Variants in UGT1A4 observed in about 807,000 individuals in gnomAD.
The protein encoded by UGT1A4 is UDP glucuronosyltransferase family 1 member A4, also known as UDP-glucuronosyltransferase 1A4.
Under a neutral mutation model 41.1 loss-of-function variants are expected in UGT1A4, and 32 were observed. The ratio of observed to expected loss-of-function variants is 0.78; its 90% CI spans 0.59 to 1.05. The LOEUF (loss-of-function observed/expected upper bound fraction) is 1.05, where lower values mean the gene tolerates loss of function less well. Ranked by LOEUF, UGT1A4 falls within the 50% of genes least tolerant of loss-of-function variation. The probability of loss-of-function intolerance (pLI) is 0.00; values close to 1 mark genes in which losing one functional copy is unlikely to be tolerated. For missense variants in UGT1A4, 748 were observed against 677.4 expected (o/e 1.10, Z -1.16); for synonymous variants, 283 against 265.1 (o/e 1.07, Z -0.66).
chr2:233,727,441 G>T (rs2077617146), intron 1 of UGT1A4, among the ~76,000 whole-genome samples: 1 of 152,130 alleles, frequency 6.6e-6, no homozygotes, highest in African/African-American at 2.4e-5. Flanking sequence ...CATGTGACAA[G>T]AAATCAGATG....
intron 1 of UGT1A4, chr2:233,740,667 G>T (rs567869462): frequency 6.6e-6 from 1 of 151,914 alleles, no homozygotes; most frequent in East Asian, 1.9e-4. Flanking sequence ...AGAAGGTACA[G>T]GTGTTTCCAT....
intron 1 of UGT1A4, among the ~76,000 whole-genome samples, chr2:233,758,245 A>C (rs1047370626): frequency 6.6e-6 from 1 of 152,214 alleles, no homozygotes; most frequent in African/African-American, 2.4e-5. Flanking sequence ...ATTGCCCACT[A>C]TTCAGATTAG....
At chr2:233,753,682 C>T (rs1184784607) in intron 1 of UGT1A4, 1 of 152,178 alleles carries the variant, frequency 6.6e-6, no homozygotes, top group Non-Finnish European at 1.5e-5. Context: ...CTCACCCAAA[C>T]AATATTACAG....
chr2:233,724,866 G>A (rs1361964524), intron 1 of UGT1A4, among the ~76,000 whole-genome samples: 1 of 128,896 alleles, frequency 7.8e-6, no homozygotes, highest in Non-Finnish European at 1.6e-5. Flanking sequence ...GGTGTAGGTT[G>A]TAGTGAGCGG....
chr2:233,765,364 C>T (rs1321623468), intron 1 of UGT1A4, among the ~76,000 whole-genome samples: 1 of 152,168 alleles, frequency 6.6e-6, no homozygotes, highest in African/African-American at 2.4e-5. Flanking sequence ...CCCAGATGCC[C>T]ATCAATGGTA....
chr2:233,747,345 C>G (rs905208353), intron 1 of UGT1A4: 1 of 1,602,430 alleles, frequency 6.2e-7, no homozygotes, highest in Admixed American at 1.7e-5. Context: ...GGCTCGCATG[C>G]GGGAGGCCGT....
chr2:233,756,940 T>G (rs1408779384), intron 1 of UGT1A4, among the ~76,000 whole-genome samples: 1 of 152,052 alleles, frequency 6.6e-6, no homozygotes, highest in Non-Finnish European at 1.5e-5. Context: ...TTACATAACC[T>G]GAAACCCGGA....
intron 1 of UGT1A4, among the ~76,000 whole-genome samples, chr2:233,762,621 C>T (rs1374321731): frequency 6.6e-6 from 1 of 152,118 alleles, no homozygotes; most frequent in Non-Finnish European, 1.5e-5. Context: ...TTGTTGTGAC[C>T]TCAAACACTT....
chr2:233,761,060 G>A, intron 1 of UGT1A4: 1 of 1,614,212 alleles, frequency 6.2e-7, no homozygotes, highest in Non-Finnish European at 8.5e-7. Flanking sequence ...CTGTTTAGAA[G>A]TGACTTTGTG....
At chr2:233,748,817 G>A (rs1468052595) in intron 1 of UGT1A4, among the ~76,000 whole-genome samples, 2 of 151,366 alleles carry the variant, frequency 1.3e-5, no homozygotes, top group Non-Finnish European at 2.9e-5. Context: ...AATTGTGGAA[G>A]GGTCTAGGGA....
chr2:233,767,054 T>C lies in UGT1A4; in HGVS notation c.888T>C (p.Asn296=), dbSNP rs1164851963. ...PLSQEFEAYI[N]ASGEHGIVVF... ...TCTAGGAATTTGAAGCCTACATTAA[T>C]GCTTCTGGAGAACATGGAATTGTGG... is the stretch of plus-strand genomic sequence containing the variant. The change falls in exon 2 of 5, where the codon AAT becomes AAC. Residue 296 remains asparagine, a synonymous_variant. Coordinates refer to ENST00000373409, the MANE Select transcript of UGT1A4 (RefSeq NM_007120.3). The C allele has an allele frequency of 2.5e-6, 4 of 1,614,114 alleles. No homozygotes were observed. Among genetic ancestry groups the C allele is most frequent in the Non-Finnish European group, 2.5e-6 (3 of 1,179,982 alleles).
intron 1 of UGT1A4, among the ~76,000 whole-genome samples, chr2:233,762,019 A>G (rs1021587184): frequency 2.6e-5 from 4 of 151,988 alleles, no homozygotes; most frequent in South Asian, 2.1e-4. Context: ...TGTGATTTGT[A>G]TTTTATTTTT....
chr2:233,729,686 G>A (rs1336517970), intron 1 of UGT1A4: 2 of 1,613,912 alleles, frequency 1.2e-6, no homozygotes, highest in Admixed American at 1.7e-5. Context: ...GGCACACAGT[G>A]TCCAAACCCT....
At chr2:233,754,500 G>A (rs945598675) in intron 1 of UGT1A4, 52 of 356,130 alleles carry the variant, frequency 1.5e-4, no homozygotes, top group Admixed American at 3.0e-4. Flanking sequence ...AAAAAAGTCC[G>A]CTATTCCTCC....
At chr2:233,768,984 TC>T (rs551747473) in intron 4 of UGT1A4, among the ~76,000 whole-genome samples, 141 of 152,252 alleles carry the variant, frequency 9.3e-4, no homozygotes, top group African/African-American at 3.3e-3. Context: ...GAATTTTATT[TC>T]CCCCATTAGA....
At chr2:233,743,532 G>T in intron 1 of UGT1A4, 1 of 1,367,232 alleles carries the variant, frequency 7.3e-7, no homozygotes, top group South Asian at 1.1e-5. Context: ...TTCCCCAGCA[G>T]TTCCTCTGAC....
intron 1 of UGT1A4, among the ~76,000 whole-genome samples, chr2:233,765,401 A>G (rs1024843153): frequency 3.9e-5 from 6 of 152,246 alleles, no homozygotes; most frequent in African/African-American, 1.4e-4. Flanking sequence ...TGTGGTACAT[A>G]TACACCATGG....
intron 1 of UGT1A4, among the ~76,000 whole-genome samples, chr2:233,732,958 C>G (rs75520741): frequency 0.048 from 7,267 of 152,142 alleles, 252 homozygotes; most frequent in East Asian, 0.16. Flanking sequence ...AATGTTCTTC[C>G]ATTTGTTTGT....
At chr2:233,720,540 C>T (rs1283139859) in intron 1 of UGT1A4, among the ~76,000 whole-genome samples, 3 of 152,068 alleles carry the variant, frequency 2.0e-5, no homozygotes, top group African/African-American at 7.2e-5. Context: ...CACCCTATCC[C>T]ACTCCAAGTT....
Sources: allele counts gnomAD v4.1 joint callset (sites outside exome capture counted in the v4.1 genomes callset), GRCh38; gene constraint gnomAD v4.1.1; transcripts MANE v1.5; gene names NCBI Gene and HGNC (gene_info 2026-07-23, HGNC 2026-07-21).